The following DPH6 variants were observed in gnomAD, a reference collection of about 807,000 sequenced individuals.
DPH6 encodes the protein diphthine--ammonia ligase.
DPH6 carries 33 observed loss-of-function variants against 38.2 expected under a neutral mutation model. The observed-to-expected ratio is 0.86, with a 90% CI of 0.65 to 1.15. The LOEUF (loss-of-function observed/expected upper bound fraction) is 1.15, where lower values mean the gene tolerates loss of function less well. Ranked by LOEUF, DPH6 falls within the 50% of genes most tolerant of loss-of-function variation. The probability of loss-of-function intolerance (pLI) is 0.00; values close to 1 mark genes in which losing one functional copy is unlikely to be tolerated. For synonymous variants in DPH6, 108 were observed against 103.0 expected, an observed-to-expected ratio of 1.05 and a Z score of -0.30; for missense variants, 325 against 320.0, an observed-to-expected ratio of 1.02 and a Z score of -0.12.
intron 6 of DPH6, chr15:35,401,156 C>T (rs1315569010): frequency 7.5e-6 from 8 of 1,063,824 alleles, no homozygotes; most frequent in African/African-American, 1.5e-5. Flanking sequence ...AAACACCATA[C>T]TGTGAATGGC....
chr15:35,398,634 A>T (rs1039441865), intron 6 of DPH6, among the ~76,000 whole-genome samples: 33 of 152,168 alleles, frequency 2.2e-4, no homozygotes, highest in African/African-American at 8.0e-4. Context: ...TTATGAATAA[A>T]CCAGTAAATG....
At chr15:35,191,121 T>C in the DPH6 span, among the ~76,000 whole-genome samples, 1 of 152,172 alleles carries the variant, frequency 6.6e-6, no homozygotes, top group African/African-American at 2.4e-5. Flanking sequence ...AGATGTACCA[T>C]CAATCATTGT....
intron 3 of DPH6, among the ~76,000 whole-genome samples, chr15:35,339,385 C>T (rs528681512): frequency 2.0e-5 from 3 of 151,728 alleles, no homozygotes; most frequent in African/African-American, 2.4e-5. Flanking sequence ...AGTGCAGTGG[C>T]GTGATCTCGA....
intron 3 of DPH6, among the ~76,000 whole-genome samples, chr15:35,285,305 T>G (rs2051933480): frequency 6.6e-6 from 1 of 152,188 alleles, no homozygotes; most frequent in Non-Finnish European, 1.5e-5. Context: ...TCTTGAATTG[T>G]TGCTCCCACA....
chr15:35,180,194 C>T, the DPH6 span, among the ~76,000 whole-genome samples: 1 of 151,464 alleles, frequency 6.6e-6, no homozygotes, highest in African/African-American at 2.4e-5. Context: ...TTACTATACT[C>T]TGAAAAAAAG....
At chr15:35,451,969 C>T (rs986111809) in intron 4 of DPH6, among the ~76,000 whole-genome samples, 1 of 152,120 alleles carries the variant, frequency 6.6e-6, no homozygotes, top group African/African-American at 2.4e-5. Flanking sequence ...GAGATTGCGC[C>T]GCTGCACTCC....
At chr15:35,182,967 G>A in the DPH6 span, among the ~76,000 whole-genome samples, 1 of 152,120 alleles carries the variant, frequency 6.6e-6, no homozygotes, top group Non-Finnish European at 1.5e-5. Flanking sequence ...ATGGCACAAT[G>A]CAAAACAAAG....
intron 3 of DPH6, among the ~76,000 whole-genome samples, chr15:35,481,330 A>C (rs1248292170): frequency 1.3e-5 from 2 of 152,196 alleles, no homozygotes; most frequent in African/African-American, 2.4e-5. Context: ...TCTACTGGAC[A>C]AGTAACCTGT....
intron 3 of DPH6, among the ~76,000 whole-genome samples, chr15:35,483,835 T>C (rs571401688): frequency 1.3e-5 from 2 of 152,326 alleles, no homozygotes; most frequent in East Asian, 3.9e-4. Flanking sequence ...ATTGGTATAA[T>C]AGAATACTAT....
chr15:35,146,148 A>T, the DPH6 span, among the ~76,000 whole-genome samples: 1 of 151,290 alleles, frequency 6.6e-6, no homozygotes, highest in Non-Finnish European at 1.5e-5. Context: ...TCAAAGTTTT[A>T]CTCATTGAAT....
chr15:35,470,676 T>C (rs181760996), intron 3 of DPH6, among the ~76,000 whole-genome samples: 45 of 152,120 alleles, frequency 3.0e-4, no homozygotes, highest in Non-Finnish European at 4.6e-4. Context: ...CATTTCCCAA[T>C]CCAGTCTTAC....
At chr15:35,343,148 C>A (rs1208631459) in intron 3 of DPH6, among the ~76,000 whole-genome samples, 1 of 152,088 alleles carries the variant, frequency 6.6e-6, no homozygotes, top group Non-Finnish European at 1.5e-5. Context: ...ATGTTCACAT[C>A]AATATTAGAT....
At chr15:35,535,701 A>G (rs770714595) in intron 3 of DPH6, among the ~76,000 whole-genome samples, 4 of 152,174 alleles carry the variant, frequency 2.6e-5, no homozygotes, top group Admixed American at 6.5e-5. Flanking sequence ...AAGAAATTCT[A>G]AAGAATAAAA....
At chr15:35,512,730 A>G (rs2054792443) in intron 3 of DPH6, among the ~76,000 whole-genome samples, 1 of 152,184 alleles carries the variant, frequency 6.6e-6, no homozygotes, top group African/African-American at 2.4e-5. Flanking sequence ...GATACATTAA[A>G]AAAAGACTTT....
the DPH6 span, among the ~76,000 whole-genome samples, chr15:35,155,471 C>G: frequency 2.0e-5 from 3 of 152,122 alleles, no homozygotes; most frequent in African/African-American, 4.8e-5. Flanking sequence ...TTAGAAAGTA[C>G]CAGAGATGGG....
intron 3 of DPH6, among the ~76,000 whole-genome samples, chr15:35,259,763 T>C (rs1423329762): frequency 6.6e-6 from 1 of 152,210 alleles, no homozygotes; most frequent in Admixed American, 6.5e-5. Flanking sequence ...AGTTTCTCAG[T>C]TGCTTTCCTG....
chr15:35,410,968 T>C, intron 5 of DPH6, 72 bp from the exon 6 acceptor site: 1 of 1,341,192 alleles, frequency 7.5e-7, no homozygotes, highest in Non-Finnish European at 1.0e-6. Flanking sequence ...CCCCTTCCCT[T>C]GGCCCCTCCT....
chr15:35,525,697 G>A (rs949307553), intron 3 of DPH6, among the ~76,000 whole-genome samples: 4 of 151,970 alleles, frequency 2.6e-5, no homozygotes, highest in Non-Finnish European at 4.4e-5. Flanking sequence ...AAAATTAGCC[G>A]GCCATGGTTG....
At chr15:35,520,832 A>T in intron 3 of DPH6, 1 of 985,048 alleles carries the variant, frequency 1.0e-6, no homozygotes, top group Non-Finnish European at 1.2e-6. Context: ...CCACATTAAT[A>T]CAGGTACCAT....
Sources: allele counts gnomAD v4.1 joint callset (sites outside exome capture counted in the v4.1 genomes callset), GRCh38; gene constraint gnomAD v4.1.1; transcripts MANE v1.5; gene names NCBI Gene and HGNC (gene_info 2026-07-23, HGNC 2026-07-21).